The following IMMP2L variants were observed in gnomAD, a reference collection of about 807,000 sequenced individuals.
The protein encoded by IMMP2L is inner mitochondrial membrane peptidase subunit 2.
A neutral mutation model predicts 19.3 loss-of-function variants in IMMP2L; 18 were observed. The observed-to-expected ratio is 0.93, with a 90% CI of 0.64 to 1.38. The LOEUF is 1.38. Among genes scored for constraint, IMMP2L ranks in the 40% most tolerant of loss-of-function variants. IMMP2L has a pLI of 0.00. For missense variants in IMMP2L, 233 were observed against 218.2 expected, an observed-to-expected ratio of 1.07 and a Z score of -0.43; for synonymous variants, 76 against 73.0, an observed-to-expected ratio of 1.04 and a Z score of -0.21.
At chr7:111,105,669 G>C (rs1309794453) in intron 3 of IMMP2L, among the ~76,000 whole-genome samples, 2 of 151,674 alleles carry the variant, frequency 1.3e-5, no homozygotes, top group African/African-American at 4.8e-5. Context: ...TCTCCTGACA[G>C]GTCTATTTTC....
intron 4 of IMMP2L, among the ~76,000 whole-genome samples, chr7:110,910,084 T>C (rs1297061440): frequency 6.6e-6 from 1 of 152,116 alleles, no homozygotes; most frequent in Non-Finnish European, 1.5e-5. Flanking sequence ...CTAGACATGA[T>C]AGGCCATTTC....
chr7:110,950,841 CATATATATATAT>C (rs34797718), intron 4 of IMMP2L, among the ~76,000 whole-genome samples: 7 of 100,634 alleles, frequency 7.0e-5, no homozygotes, highest in African/African-American at 1.3e-4. Context: ...CAAAATGTGG[CATATATATATAT>C]ATATATATAT....
chr7:111,280,722 T>C (rs887057628), intron 3 of IMMP2L, among the ~76,000 whole-genome samples: 1 of 152,084 alleles, frequency 6.6e-6, no homozygotes, highest in African/African-American at 2.4e-5. Context: ...AAAAACTTAG[T>C]AATAAGTGTT....
chr7:111,072,186 A>G (rs896915147), intron 3 of IMMP2L, among the ~76,000 whole-genome samples: 2 of 152,228 alleles, frequency 1.3e-5, no homozygotes, highest in African/African-American at 4.8e-5. Context: ...ACTAGTAAAT[A>G]CAAAAGGAAT....
chr7:110,847,862 A>T (rs968563603), intron 5 of IMMP2L, among the ~76,000 whole-genome samples: 3 of 152,164 alleles, frequency 2.0e-5, no homozygotes, highest in African/African-American at 7.2e-5. Flanking sequence ...TTGCAAAATA[A>T]TAATAATAAA....
intron 4 of IMMP2L, among the ~76,000 whole-genome samples, chr7:110,954,164 A>G (rs1818138254): frequency 6.6e-6 from 1 of 152,000 alleles, no homozygotes; most frequent in African/African-American, 2.4e-5. Flanking sequence ...AGCACACATT[A>G]TTTTTGCAAT....
chr7:111,209,729 T>C (rs1562929280), intron 3 of IMMP2L, among the ~76,000 whole-genome samples: 1 of 152,190 alleles, frequency 6.6e-6, no homozygotes, highest in Admixed American at 6.5e-5. Context: ...AGAACAGTAT[T>C]TGAACTATAA....
chr7:110,880,820 T>C (rs1021448731), intron 5 of IMMP2L, among the ~76,000 whole-genome samples: 1 of 152,110 alleles, frequency 6.6e-6, no homozygotes, highest in African/African-American at 2.4e-5. Context: ...AATTCTGTAA[T>C]TAAACGGCCC....
At chr7:111,087,178 G>A (rs536606680) in intron 3 of IMMP2L, among the ~76,000 whole-genome samples, 16 of 152,208 alleles carry the variant, frequency 1.1e-4, no homozygotes, top group East Asian at 3.9e-4. Context: ...TGCCGGGCGC[G>A]GTGGCTCACG....
chr7:111,077,406 T>C (rs909536365), intron 3 of IMMP2L, among the ~76,000 whole-genome samples: 3 of 152,244 alleles, frequency 2.0e-5, no homozygotes, highest in Non-Finnish European at 4.4e-5. Context: ...TCTCACTTTA[T>C]AGCACCATTA....
chr7:111,179,437 A>T (rs2129610712), intron 3 of IMMP2L, among the ~76,000 whole-genome samples: 1 of 152,090 alleles, frequency 6.6e-6, no homozygotes, highest in South Asian at 2.1e-4. Flanking sequence ...TGTGTGGCCC[A>T]AGACCATTCT....
intron 1 of IMMP2L, among the ~76,000 whole-genome samples, chr7:111,560,113 T>G (rs1791860976): frequency 6.6e-6 from 1 of 152,196 alleles, no homozygotes; most frequent in African/African-American, 2.4e-5. Context: ...ATTTAGTATG[T>G]GTATATATGG....
intron 3 of IMMP2L, among the ~76,000 whole-genome samples, chr7:110,974,749 C>T (rs2129557128): frequency 6.6e-6 from 1 of 152,242 alleles, no homozygotes; most frequent in East Asian, 1.9e-4. Context: ...TATTCTTCCT[C>T]CCAAAGATTT....
intron 3 of IMMP2L, among the ~76,000 whole-genome samples, chr7:111,442,240 G>A (rs112385561): frequency 2.6e-5 from 4 of 151,838 alleles, no homozygotes; most frequent in African/African-American, 9.7e-5. Flanking sequence ...TCCTTTTTGG[G>A]AGCCACTTAC....
chr7:110,887,472 A>G (rs1398771901), intron 4 of IMMP2L, among the ~76,000 whole-genome samples: 2 of 152,214 alleles, frequency 1.3e-5, no homozygotes, highest in Admixed American at 6.5e-5. Context: ...TTAAGATACT[A>G]AAATGTTTAT....
At chr7:111,194,013 G>A (rs1809189085) in intron 3 of IMMP2L, among the ~76,000 whole-genome samples, 1 of 152,006 alleles carries the variant, frequency 6.6e-6, no homozygotes, top group Admixed American at 6.6e-5. Flanking sequence ...GTATTCCAGA[G>A]GCCAAACTAC....
chr7:110,845,318 T>A (rs984294500), intron 5 of IMMP2L, among the ~76,000 whole-genome samples: 1 of 152,134 alleles, frequency 6.6e-6, no homozygotes, highest in African/African-American at 2.4e-5. Flanking sequence ...GAGAGAGCTT[T>A]TGAGAAGTAT....
intron 3 of IMMP2L, among the ~76,000 whole-genome samples, chr7:111,119,234 T>G (rs550444232): frequency 6.6e-6 from 1 of 152,310 alleles, no homozygotes; most frequent in East Asian, 1.9e-4. Context: ...TACCTAGGTT[T>G]TTCCTTCATT....
At chr7:110,878,451 T>C (rs1809295734) in intron 5 of IMMP2L, among the ~76,000 whole-genome samples, 1 of 152,148 alleles carries the variant, frequency 6.6e-6, no homozygotes, top group Non-Finnish European at 1.5e-5. Context: ...TTTTGACTTT[T>C]GGTTTGAAAA....
Sources: allele counts gnomAD v4.1 joint callset (sites outside exome capture counted in the v4.1 genomes callset), GRCh38; gene constraint gnomAD v4.1.1; transcripts MANE v1.5; gene names NCBI Gene and HGNC (gene_info 2026-07-23, HGNC 2026-07-21).